The following RYR2 variants were observed in gnomAD, a reference collection of about 807,000 sequenced individuals.
RYR2 encodes cardiac muscle ryanodine receptor-calcium release channel.
Under a neutral mutation model 601.1 loss-of-function variants are expected in RYR2, and 227 were observed. That is an observed-to-expected ratio of 0.38 (90% confidence interval 0.34 to 0.42). RYR2 has a LOEUF of 0.42. RYR2 is among the 10% of genes least tolerant of loss of function. The pLI is 1.00. For missense variants in RYR2, 4,646 were observed against 6,156.5 expected (o/e 0.75, Z 8.21); for synonymous variants, 2,223 against 2,175.1 (o/e 1.02, Z -0.61).
At position 237,550,569 on chromosome 1, in the gene RYR2, G is replaced by C; in HGVS notation, c.3092G>C (p.Arg1031Pro). The C allele has an allele frequency of 1.2e-6, 2 of 1,609,090 alleles. No homozygotes were observed. The highest frequency in any genetic ancestry group is 1.7e-6 in the Non-Finnish European group (2 of 1,177,764). Residue 1031 changes from arginine to proline, a missense_variant, in exon 27 of 105, where the codon CGC becomes CCC. Arg to Pro is a moderately radical substitution (Grantham distance 103). Around this residue, in one of 17 missense-constraint regions of RYR2, gnomAD observed 1,807 missense variants for 2,088.1 expected, o/e 0.87. Coordinates refer to ENST00000366574, the MANE Select transcript of RYR2 (RefSeq NM_001035.3). Reference protein sequence around the residue: ...QQDVKNRRNPRLVPYTLLDDR... With the variant: ...QQDVKNRRNPPLVPYTLLDDR... ...GACGTAAAGAACAGAAGAAATCCTCGCCTTGTTCCCTACACTCTTCTGGAT... is the reference window on the plus strand; with the variant it reads ...GACGTAAAGAACAGAAGAAATCCTCCCCTTGTTCCCTACACTCTTCTGGAT...
At chr1:237,611,481 T>C (rs1236500310) in intron 36 of RYR2, among the ~76,000 whole-genome samples, 1 of 152,200 alleles carries the variant, frequency 6.6e-6, no homozygotes, top group Non-Finnish European at 1.5e-5. Context: ...CAAGTTTATA[T>C]GCATTCTAGG....
intron 1 of RYR2, among the ~76,000 whole-genome samples, chr1:237,189,055 C>G (rs908684964): frequency 2.0e-5 from 3 of 152,138 alleles, no homozygotes; most frequent in Non-Finnish European, 2.9e-5. Flanking sequence ...CCTCCCCCGT[C>G]CTCCTCCCAG....
At chr1:237,824,031 T>C (rs545727745) in intron 101 of RYR2, among the ~76,000 whole-genome samples, 1 of 152,312 alleles carries the variant, frequency 6.6e-6, no homozygotes, top group South Asian at 2.1e-4. Context: ...ATTGAGGCAG[T>C]AATTAATAGC....
intron 1 of RYR2, among the ~76,000 whole-genome samples, chr1:237,238,430 A>G (rs938764160): frequency 6.6e-6 from 1 of 152,202 alleles, no homozygotes; most frequent in Non-Finnish European, 1.5e-5. Flanking sequence ...TCTAAAATGT[A>G]TAAAATCAAG....
At chr1:237,585,723 T>C (rs754325321) in intron 29 of RYR2, among the ~76,000 whole-genome samples, 29 of 152,132 alleles carry the variant, frequency 1.9e-4, no homozygotes, top group Admixed American at 1.3e-3. Context: ...TCACTTAAAA[T>C]GAGAAAAAAA....
At chr1:237,128,239 C>T (rs553189005) in intron 1 of RYR2, among the ~76,000 whole-genome samples, 3 of 152,264 alleles carry the variant, frequency 2.0e-5, no homozygotes, top group South Asian at 2.1e-4. Context: ...TCAGGCGTGG[C>T]GGCACGAGCC....
At chr1:237,814,543 G>A (rs1398926788) in intron 100 of RYR2, among the ~76,000 whole-genome samples, 1 of 139,524 alleles carries the variant, frequency 7.2e-6, no homozygotes, top group Non-Finnish European at 1.5e-5. Context: ...TTATAGACAA[G>A]TCACAGGGGG....
chr1:237,561,389 G>T (rs1222240905), intron 27 of RYR2, among the ~76,000 whole-genome samples: 1 of 152,168 alleles, frequency 6.6e-6, no homozygotes, highest in African/African-American at 2.4e-5. Flanking sequence ...CCAATGGGAG[G>T]AATCAGTAAA....
intron 29 of RYR2, among the ~76,000 whole-genome samples, chr1:237,579,520 G>T (rs1673656252): frequency 1.3e-5 from 2 of 152,174 alleles, no homozygotes; most frequent in East Asian, 3.9e-4. Context: ...CTCCCAAAGT[G>T]CTGGGATTAC....
intron 38 of RYR2, among the ~76,000 whole-genome samples, chr1:237,623,086 A>C (rs1679239721): frequency 6.6e-6 from 1 of 152,218 alleles, no homozygotes. Flanking sequence ...AAAATAATGG[A>C]AATTTAGGAT....
At position 237,832,948 on chromosome 1, in the gene RYR2, C is replaced by T. The variant is rs925240252; in HGVS notation, c.*301C>T. On this transcript the variant is annotated 3_prime_UTR_variant, in exon 105 of 105. Coordinates refer to ENST00000366574, the MANE Select transcript of RYR2 (RefSeq NM_001035.3). ...TAGATAGATTTTCTTCTGAGACTCC[C>T]GGAGTCTTCTCGAGCTACGAGACCT... The T allele has an allele frequency of 1.2e-4, 25 of 206,156 alleles. No homozygotes were observed. The highest frequency in any genetic ancestry group is 4.6e-4 in the African/African-American group (20 of 43,460). The allele number at this position is 206,156 out of a possible 1,614,324, so 12.8% of individuals were successfully genotyped here.
intron 71 of RYR2, 62 bp downstream of exon 71, chr1:237,711,899 C>T (rs1688872991): frequency 1.6e-5 from 10 of 607,400 alleles, no homozygotes; most frequent in East Asian, 6.8e-5. Flanking sequence ...CATGAATTGA[C>T]TTTTTTTTTT....
intron 29 of RYR2, among the ~76,000 whole-genome samples, chr1:237,578,060 G>C (rs958919156): frequency 6.6e-6 from 1 of 152,056 alleles, no homozygotes; most frequent in Non-Finnish European, 1.5e-5. Context: ...TCTGCCTGCT[G>C]TGGCCTCCCA....
Position 237,445,533 on chromosome 1 carries a change from T to G in RYR2, c.1292+11T>G, listed in dbSNP as rs938669248. 6.2e-7 allele frequency: 1 copy of G among 1,612,990 alleles called. No homozygotes were observed. The highest frequency in any genetic ancestry group is 8.5e-7 in the Non-Finnish European group (1 of 1,179,398). ...CAATAGATTTATAAGGTACTTTTTCTTTTGTAGGCGTAGTTGTTTGATACT... is the reference window on the plus strand; with the variant it reads ...CAATAGATTTATAAGGTACTTTTTCGTTTGTAGGCGTAGTTGTTTGATACT... On this transcript the variant is annotated intron_variant, in intron 14 of 104. Coordinates refer to ENST00000366574, the MANE Select transcript of RYR2 (RefSeq NM_001035.3).
intron 12 of RYR2, among the ~76,000 whole-genome samples, chr1:237,439,729 A>C (rs145595227): frequency 1.8e-3 from 278 of 152,292 alleles, no homozygotes; most frequent in African/African-American, 6.5e-3. Context: ...TAAAATACAA[A>C]GAAAGCATAA....
chr1:237,450,756 TTTTTCTGAG>T (rs2150194562), intron 14 of RYR2, among the ~76,000 whole-genome samples: 1 of 152,294 alleles, frequency 6.6e-6, no homozygotes, highest in East Asian at 1.9e-4. Flanking sequence ...ATTTGCCATA[TTTTTCTGAG>T]TTATCTAACA....
At chr1:237,420,049 A>G (rs80129764) in intron 11 of RYR2, among the ~76,000 whole-genome samples, 6,320 of 152,176 alleles carry the variant, frequency 0.042, 209 homozygotes, top group Non-Finnish European at 0.069. Context: ...CCTATACTAT[A>G]TATTTGTTGT....
intron 1 of RYR2, among the ~76,000 whole-genome samples, chr1:237,181,580 G>A (rs1018869383): frequency 1.3e-5 from 2 of 152,112 alleles, no homozygotes; most frequent in African/African-American, 4.8e-5. Context: ...TTGATGCTGG[G>A]GACAGCTGAG....
At chr1:237,715,822 A>T (rs1573643638) in intron 71 of RYR2, among the ~76,000 whole-genome samples, 1 of 152,202 alleles carries the variant, frequency 6.6e-6, no homozygotes, top group East Asian at 1.9e-4. Context: ...AATTTGCTTA[A>T]TTTTTAGGAT....
Sources: gnomAD v4.1 joint callset for allele counts (sites outside exome capture counted in the v4.1 genomes callset) on GRCh38, gnomAD v4.1.1 for gene constraint, gnomAD v4.1.1 regional missense constraint, MANE v1.5 for transcripts, NCBI Gene and HGNC (gene_info 2026-07-23, HGNC 2026-07-21) for gene names.